The following SPAG16 variants were observed in gnomAD, a reference collection of about 807,000 sequenced individuals.
SPAG16 encodes sperm-associated antigen 16 protein.
A neutral mutation model predicts 80.4 loss-of-function variants in SPAG16; 86 were observed. The ratio of observed to expected loss-of-function variants is 1.07; its 90% CI spans 0.90 to 1.28. SPAG16 has a LOEUF of 1.28. Among genes scored for constraint, SPAG16 ranks in the 50% most tolerant of loss-of-function variants. The probability of loss-of-function intolerance (pLI) is 0.00; values close to 1 mark genes in which losing one functional copy is unlikely to be tolerated. For missense variants in SPAG16, 870 were observed against 765.3 expected, an observed-to-expected ratio of 1.14 and a Z score of -1.61; for synonymous variants, 294 against 265.9, an observed-to-expected ratio of 1.11 and a Z score of -1.03.
intron 13 of SPAG16, among the ~76,000 whole-genome samples, chr2:214,049,423 T>C (rs1336347810): frequency 6.6e-6 from 1 of 152,146 alleles, no homozygotes; most frequent in Non-Finnish European, 1.5e-5. Flanking sequence ...TCTTGAGCTT[T>C]CTTTCAGAAG....
intron 12 of SPAG16, among the ~76,000 whole-genome samples, chr2:213,994,926 G>A (rs1510547): frequency 0.53 from 80,433 of 151,898 alleles, 22,568 homozygotes; most frequent in South Asian, 0.76. Flanking sequence ...CTTTTCTTAT[G>A]TGTTCTAAGA....
intron 11 of SPAG16, among the ~76,000 whole-genome samples, chr2:213,881,833 C>T (rs1002831174): frequency 1.3e-5 from 2 of 152,270 alleles, no homozygotes; most frequent in Admixed American, 6.5e-5. Flanking sequence ...TATCAGATGC[C>T]TTTTATTTCT....
At chr2:214,284,872 TCA>T (rs1183136505) in intron 15 of SPAG16, among the ~76,000 whole-genome samples, 1 of 151,962 alleles carries the variant, frequency 6.6e-6, no homozygotes, top group Non-Finnish European at 1.5e-5. Flanking sequence ...CTTTATCCAT[TCA>T]TCCACTGATG....
intron 13 of SPAG16, among the ~76,000 whole-genome samples, chr2:214,047,040 G>A (rs1445000392): frequency 6.6e-6 from 1 of 151,924 alleles, no homozygotes; most frequent in Non-Finnish European, 1.5e-5. Context: ...TGAAGAGAAT[G>A]CCAAAAATGG....
chr2:214,274,487 G>C (rs1048843102), intron 15 of SPAG16, among the ~76,000 whole-genome samples: 1 of 152,152 alleles, frequency 6.6e-6, no homozygotes, highest in Non-Finnish European at 1.5e-5. Flanking sequence ...CTAGTTTATT[G>C]AGAGTTTTTA....
At chr2:214,038,107 G>A (rs1336555610) in intron 13 of SPAG16, among the ~76,000 whole-genome samples, 1 of 151,970 alleles carries the variant, frequency 6.6e-6, no homozygotes, top group Non-Finnish European at 1.5e-5. Context: ...TAATTATCAT[G>A]TGTACTGTGT....
chr2:213,869,334 CTT>C (rs370791814), intron 11 of SPAG16, among the ~76,000 whole-genome samples: 32,394 of 130,344 alleles, frequency 0.25, 4,541 homozygotes, highest in South Asian at 0.4. Context: ...ACATGCAAAA[CTT>C]TTTATTTGGT....
Position 214,270,866 on chromosome 2 carries a change from G to C in SPAG16, c.1720+121600G>C, listed in dbSNP as rs1025023472. Among the ~76,000 whole-genome samples, 8 of 152,044 alleles carry C rather than the reference G, an allele frequency of 5.3e-5. No individual in the cohort carries two copies. The East Asian group carries it at 1.5e-3, about 29-fold the overall frequency. ...AGCACATTTTTTATTTCTTTCACAG[G>C]ATGTGTCACAATAATGATCATATTC... On this transcript the variant is annotated intron_variant, in intron 15 of 15. Coordinates refer to ENST00000331683, the MANE Select transcript of SPAG16 (RefSeq NM_024532.5).
At chr2:213,791,974 G>A (rs954011136) in intron 10 of SPAG16, among the ~76,000 whole-genome samples, 4 of 152,060 alleles carry the variant, frequency 2.6e-5, no homozygotes, top group African/African-American at 9.7e-5. Context: ...GCAACACATT[G>A]GAAGCCAACT....
intron 10 of SPAG16, among the ~76,000 whole-genome samples, chr2:213,828,841 C>T (rs1023895150): frequency 4.6e-5 from 7 of 152,168 alleles, no homozygotes; most frequent in African/African-American, 1.2e-4. Flanking sequence ...ATCTGGATTG[C>T]CAGGTAGAGA....
chr2:213,358,300 G>A (rs894189365), intron 7 of SPAG16, among the ~76,000 whole-genome samples: 1 of 152,080 alleles, frequency 6.6e-6, no homozygotes, highest in Non-Finnish European at 1.5e-5. Flanking sequence ...TTGAATGTTG[G>A]CCTGCCTTGC....
rs1292227918 is a variant in SPAG16, at chr2:213,839,421, A to G, written c.1071-23064A>G. ...TTTTTCCATCTCTTCCAAAAATACC[A>G]TGTTAGAATCACAAATAAATCCTAT... On this transcript the variant is annotated intron_variant, in intron 10 of 15. Coordinates refer to ENST00000331683, the MANE Select transcript of SPAG16 (RefSeq NM_024532.5). 5.3e-5 allele frequency among the ~76,000 whole-genome samples: 8 copies of G among 152,230 alleles called. No individual in the cohort carries two copies. In the South Asian group the frequency reaches 1.4e-3, roughly 28 times the overall value.
In SPAG16 at chr2:214,170,572, T is replaced by C. The variant is rs375072119; in HGVS notation, c.1720+21306T>C. Among the ~76,000 whole-genome samples the C allele has an allele frequency of 2.1e-4, 32 of 152,186 alleles. No individual in the cohort carries two copies. In the South Asian group the frequency reaches 6.4e-3, roughly 31 times the overall value. On this transcript the variant is annotated intron_variant, in intron 15 of 15. Coordinates refer to ENST00000331683, the MANE Select transcript of SPAG16 (RefSeq NM_024532.5). ...GGATATTACTTTCATTCAGAGAAGA[T>C]AATAAAACCTTGTGATTTAGGAAAC...
At chr2:213,874,167 G>A (rs2105998156) in intron 11 of SPAG16, among the ~76,000 whole-genome samples, 1 of 152,226 alleles carries the variant, frequency 6.6e-6, no homozygotes, top group Non-Finnish European at 1.5e-5. Flanking sequence ...GTGAGTGAAT[G>A]AGAAGGCCTA....
At chr2:213,418,373 T>C (rs1051221282) in intron 9 of SPAG16, among the ~76,000 whole-genome samples, 2 of 152,170 alleles carry the variant, frequency 1.3e-5, no homozygotes, top group Non-Finnish European at 2.9e-5. Flanking sequence ...TAAAGGATGT[T>C]CCCAGGTCAT....
intron 7 of SPAG16, among the ~76,000 whole-genome samples, chr2:213,362,967 A>T (rs1324439950): frequency 6.6e-6 from 1 of 152,144 alleles, no homozygotes; most frequent in Non-Finnish European, 1.5e-5. Flanking sequence ...CAAATATCCA[A>T]ACTATATCAG....
At chr2:214,012,259 C>CATATATATATATATAT (rs1163146309) in intron 12 of SPAG16, among the ~76,000 whole-genome samples, 10 of 39,828 alleles carry the variant, frequency 2.5e-4, no homozygotes, top group Non-Finnish European at 2.9e-4. Flanking sequence ...TTTATACTTA[C>CATATATATATATATAT]ATATATATAT....
chr2:214,251,993 A>ATAT (rs1258071441), intron 15 of SPAG16, among the ~76,000 whole-genome samples: 1 of 152,088 alleles, frequency 6.6e-6, no homozygotes, highest in Admixed American at 6.6e-5. Context: ...GATGCTTTGA[A>ATAT]TATTATTATT....
intron 10 of SPAG16, among the ~76,000 whole-genome samples, chr2:213,708,037 T>G (rs999864378): frequency 3.9e-5 from 6 of 152,178 alleles, no homozygotes; most frequent in Non-Finnish European, 7.4e-5. Context: ...CCAAACTATT[T>G]TTTTCTCTCA....
Sources: gnomAD v4.1 joint callset for allele counts (sites outside exome capture counted in the v4.1 genomes callset) on GRCh38, gnomAD v4.1.1 for gene constraint, MANE v1.5 for transcripts, NCBI Gene and HGNC (gene_info 2026-07-23, HGNC 2026-07-21) for gene names.